The following FBXL7 variants were observed in gnomAD, a reference collection of about 807,000 sequenced individuals.
FBXL7 encodes the protein F-box and leucine rich repeat protein 7, also known as F-box/LRR-repeat protein 7.
A neutral mutation model predicts 38.3 loss-of-function variants in FBXL7; 12 were observed. The ratio of observed to expected loss-of-function variants is 0.31; its 90% confidence interval spans 0.20 to 0.51. FBXL7 has a LOEUF of 0.51. FBXL7 is among the 20% of genes least tolerant of loss of function. FBXL7 has a pLI of 0.98. For synonymous variants in FBXL7, 297 were observed against 300.9 expected (o/e 0.99, Z 0.13); for missense variants, 567 against 676.4 (o/e 0.84, Z 1.79).
chr5:15,840,094 C>G (rs1738702574), intron 2 of FBXL7, among the ~76,000 whole-genome samples: 1 of 152,070 alleles, frequency 6.6e-6, no homozygotes, highest in South Asian at 2.1e-4. Context: ...CTGAAATGAC[C>G]TAAGCTTTCA....
At chr5:15,926,849 C>T (rs377376041) in intron 2 of FBXL7, among the ~76,000 whole-genome samples, 14 of 150,920 alleles carry the variant, frequency 9.3e-5, no homozygotes, top group African/African-American at 2.9e-4. Flanking sequence ...TCAACAGAAA[C>T]GGGAGCAGAC....
In FBXL7 at chr5:15,541,441, GTGTA is replaced by G. The variant is rs1554004553; in HGVS notation, c.37+40730_37+40733del. On this transcript the variant is annotated intron_variant, in intron 1 of 3. Transcript: ENST00000504595. ...ATACATATAGTATATATGTGTGTGT[GTGTA>G]TATATATATATATATATATATATAT... Among the ~76,000 whole-genome samples, 225 of 53,346 alleles carry G rather than the reference GTGTA, an allele frequency of 4.2e-3. 1 individual carries two copies. The highest frequency in any genetic ancestry group is 0.01 in the South Asian group (11 of 1,100). 35.0% of individuals were successfully genotyped at this position (53,346 alleles called of 152,430 possible). A position where few individuals can be genotyped will look rare whatever the true frequency, so the allele number is the denominator to read the frequency against.
intron 2 of FBXL7, among the ~76,000 whole-genome samples, chr5:15,651,704 C>T (rs1403853950): frequency 6.6e-6 from 1 of 152,162 alleles, no homozygotes; most frequent in African/African-American, 2.4e-5. Flanking sequence ...TCATCAGAGC[C>T]CTAAGATTTT....
At chr5:15,898,083 C>T (rs867131313) in intron 2 of FBXL7, among the ~76,000 whole-genome samples, 1 of 152,166 alleles carries the variant, frequency 6.6e-6, no homozygotes, top group Admixed American at 6.5e-5. Flanking sequence ...TTTCCAAACT[C>T]ATGACTATGA....
At chr5:15,612,988 A>C (rs1487858272) in intron 1 of FBXL7, among the ~76,000 whole-genome samples, 1 of 152,144 alleles carries the variant, frequency 6.6e-6, no homozygotes, top group Non-Finnish European at 1.5e-5. Context: ...TTTGCATTTA[A>C]TTTGTTATTT....
intron 2 of FBXL7, among the ~76,000 whole-genome samples, chr5:15,766,278 A>G (rs759365078): frequency 1.3e-5 from 2 of 152,082 alleles, no homozygotes; most frequent in African/African-American, 2.4e-5. Context: ...TATTTCCAGT[A>G]TGTCTTAAGC....
At chr5:15,858,686 AG>A (rs1175311281) in intron 2 of FBXL7, among the ~76,000 whole-genome samples, 1 of 152,116 alleles carries the variant, frequency 6.6e-6, no homozygotes, top group African/African-American at 2.4e-5. Context: ...GCCAAATGTT[AG>A]TTTTTTGTTG....
At chr5:15,807,394 G>T (rs1737742992) in intron 2 of FBXL7, among the ~76,000 whole-genome samples, 1 of 152,192 alleles carries the variant, frequency 6.6e-6, no homozygotes, top group Non-Finnish European at 1.5e-5. Flanking sequence ...TGTGCCGTGT[G>T]CACTGGGAAG....
chr5:15,660,220 G>A (rs1742015461), intron 2 of FBXL7, among the ~76,000 whole-genome samples: 2 of 152,172 alleles, frequency 1.3e-5, no homozygotes, highest in South Asian at 4.1e-4. Context: ...CCCTCTGTAA[G>A]TTTCCTGCTT....
intron 2 of FBXL7, among the ~76,000 whole-genome samples, chr5:15,638,236 A>T (rs185755299): frequency 6.6e-6 from 1 of 152,314 alleles, no homozygotes; most frequent in Admixed American, 6.5e-5. Context: ...TTCACAGAGG[A>T]GCTGATGTCT....
intron 2 of FBXL7, among the ~76,000 whole-genome samples, chr5:15,779,325 A>C (rs1736934697): frequency 6.6e-6 from 1 of 152,142 alleles, no homozygotes; most frequent in Non-Finnish European, 1.5e-5. Flanking sequence ...ATATATTTCA[A>C]GGTAGCTAGA....
At chr5:15,586,217 A>C (rs916299560) in intron 1 of FBXL7, among the ~76,000 whole-genome samples, 1 of 151,260 alleles carries the variant, frequency 6.6e-6, no homozygotes, top group Non-Finnish European at 1.5e-5. Flanking sequence ...GTGATGACAA[A>C]TCATGTCTTA....
intron 2 of FBXL7, among the ~76,000 whole-genome samples, chr5:15,688,454 G>C (rs952043318): frequency 1.3e-5 from 2 of 152,188 alleles, no homozygotes; most frequent in African/African-American, 4.8e-5. Flanking sequence ...TGTAGGTCTA[G>C]TAACTCAGAC....
chr5:15,781,622 GGGGAGAAAA>G (rs1394860216), intron 2 of FBXL7, among the ~76,000 whole-genome samples: 3 of 152,042 alleles, frequency 2.0e-5, no homozygotes, highest in Non-Finnish European at 4.4e-5. Context: ...GGCTGCCTCT[GGGGAGAAAA>G]GGGAGCATTC....
At chr5:15,824,373 C>G (rs1738252601) in intron 2 of FBXL7, among the ~76,000 whole-genome samples, 2 of 151,176 alleles carry the variant, frequency 1.3e-5, no homozygotes. Context: ...ATGTGTTGTT[C>G]CTACCTGACT....
chr5:15,623,304 T>C (rs1025995722), intron 2 of FBXL7, among the ~76,000 whole-genome samples: 7 of 152,206 alleles, frequency 4.6e-5, no homozygotes, highest in East Asian at 1.9e-4. Context: ...TTACCTAGGG[T>C]TGGAAACACA....
At chr5:15,781,258 G>A (rs1446869801) in intron 2 of FBXL7, among the ~76,000 whole-genome samples, 1 of 152,138 alleles carries the variant, frequency 6.6e-6, no homozygotes, top group African/African-American at 2.4e-5. Flanking sequence ...TGAAGCAAGT[G>A]ATAACGAGAG....
intron 2 of FBXL7, among the ~76,000 whole-genome samples, chr5:15,729,065 G>T (rs541886906): frequency 8.6e-4 from 131 of 152,204 alleles, no homozygotes; most frequent in African/African-American, 3.1e-3. Context: ...AATTAAATGA[G>T]AAAAGGAACT....
intron 1 of FBXL7, among the ~76,000 whole-genome samples, chr5:15,592,306 A>T (rs1366653): frequency 1.3e-5 from 2 of 151,844 alleles, no homozygotes; most frequent in Non-Finnish European, 2.9e-5. Flanking sequence ...GAACAGCAGC[A>T]GCATGGAGAT....
Sources: allele counts gnomAD v4.1 joint callset (sites outside exome capture counted in the v4.1 genomes callset), GRCh38; gene constraint gnomAD v4.1.1; transcripts MANE v1.5; gene names NCBI Gene and HGNC (gene_info 2026-07-23, HGNC 2026-07-21).